HECA: variants seen among roughly 807,000 people sequenced by gnomAD.
HECA encodes the protein HECA ribonucleoprotein granule regulator, also known as headcase protein homolog.
In HECA, 13 loss-of-function variants were observed where a neutral mutation model predicts 37.6. The ratio of observed to expected loss-of-function variants is 0.35; its 90% confidence interval spans 0.23 to 0.55. The LOEUF (loss-of-function observed/expected upper bound fraction) is 0.55. Ranked by LOEUF, HECA falls within the 20% of genes least tolerant of loss-of-function variation. The probability of loss-of-function intolerance (pLI) is 0.90; values close to 1 mark genes in which losing one functional copy is unlikely to be tolerated. For synonymous variants in HECA, 307 were observed against 291.5 expected (o/e 1.05, Z -0.54); for missense variants, 527 against 701.9 (o/e 0.75, Z 2.82).
chr6:139,136,277 AAAAAAAAAAG>A (rs1774434545), intron 1 of HECA, among the ~76,000 whole-genome samples: 1 of 151,660 alleles, frequency 6.6e-6, no homozygotes, highest in African/African-American at 2.4e-5. Flanking sequence ...TAAAAAAAAA[AAAAAAAAAAG>A]AAAAGAAAGA....
Position 139,176,348 on chromosome 6 carries a change from A to C in HECA, c.1468-593A>C, listed in dbSNP as rs1347095043. On this transcript the variant is annotated intron_variant, in intron 3 of 3. Transcript: ENST00000367658. This position sits in a 1 kb window ranked among gnomAD's most constrained non-coding sequence, Gnocchi z 4.5. Reference sequence around the variant, plus strand: ...TAAGTACATTTTTAAAATGAGTCTAAATTGAGTCTGTTTTATTTATAATTT... The same window carrying C: ...TAAGTACATTTTTAAAATGAGTCTACATTGAGTCTGTTTTATTTATAATTT... Among the ~76,000 whole-genome samples, 1 of 152,178 alleles carries C rather than the reference A, an allele frequency of 6.6e-6. No individual in the cohort carries two copies. Among genetic ancestry groups the C allele is most frequent in the African/African-American group, 2.4e-5 (1 of 41,440 alleles).
chr6:139,179,966 C>T lies in HECA; in HGVS notation c.*2861C>T, dbSNP rs1020363471. On this transcript the variant is annotated 3_prime_UTR_variant, in exon 4 of 4. Transcript: ENST00000367658. ...TTATACCTTGAGCAGATACAATGAT[C>T]TGCTTTAGTGAGAGGACAATTTCTG... The T allele has an allele frequency of 6.6e-6, 1 of 152,084 alleles. No individual in the cohort carries two copies. Among genetic ancestry groups the T allele is most frequent in the Non-Finnish European group, 1.5e-5 (1 of 67,994 alleles). The allele number at this position is 152,084 out of a possible 1,614,324, so 9.4% of individuals were successfully genotyped here. A position where few individuals can be genotyped will look rare whatever the true frequency, so the allele number is the denominator to read the frequency against.
At position 139,166,675 on chromosome 6, in the gene HECA, G is replaced by A. The variant is rs200173389; in HGVS notation, c.663G>A (p.Glu221=). 1.9e-6 allele frequency: 3 copies of A among 1,613,404 alleles called. No homozygotes were observed. Among genetic ancestry groups the A allele is most frequent in the Middle Eastern group, 1.7e-4 (1 of 6,056 alleles). ...TGRPPGEAAE[E]AKKCRPPNKP... Reference sequence around the variant, plus strand: ...GGCCTCCTGGTGAGGCGGCGGAGGAGGCAAAAAAGTGCAGGCCCCCAAATA... The same window carrying A: ...GGCCTCCTGGTGAGGCGGCGGAGGAAGCAAAAAAGTGCAGGCCCCCAAATA... Residue 221 remains glutamate, a synonymous_variant, in exon 2 of 4, where the codon GAG becomes GAA. Coordinates refer to ENST00000367658, the MANE Select transcript of HECA (RefSeq NM_016217.3).
At position 139,174,443 on chromosome 6, in the gene HECA, C is replaced by T; in HGVS notation, c.1371C>T (p.Ile457=). ...ACTGCCTGGAAGGGGTTCACAAGAT[C>T]ATCTGCATCAAGTGTAAGTCACGGT... ...CVDCLEGVHK[I]ICIKCKSRWD... Residue 457 remains isoleucine, a synonymous_variant, in exon 3 of 4, where the codon ATC becomes ATT. Coordinates refer to ENST00000367658, the MANE Select transcript of HECA (RefSeq NM_016217.3). 3 of 1,613,998 alleles carry T rather than the reference C, an allele frequency of 1.9e-6. No individual in the cohort carries two copies. Among genetic ancestry groups the T allele is most frequent in the Non-Finnish European group, 1.7e-6 (2 of 1,179,992 alleles).
In HECA at chr6:139,178,386, T is replaced by A. The variant is rs911131352; in HGVS notation, c.*1281T>A. On this transcript the variant is annotated 3_prime_UTR_variant, in exon 4 of 4. Coordinates refer to ENST00000367658, the MANE Select transcript of HECA (RefSeq NM_016217.3). ...GAATATGATTTCTCAAAAATTAATT[T>A]GATAATTTCATGTATGATGTGCATA... The A allele has an allele frequency of 3.9e-5, 6 of 152,190 alleles. No individual in the cohort carries two copies. The highest frequency in any genetic ancestry group is 5.9e-5 in the Non-Finnish European group (4 of 68,038). The allele number at this position is 152,190 out of a possible 1,614,324, so 9.4% of individuals were successfully genotyped here.
chr6:139,137,631 C>CTTT (rs34487492), intron 1 of HECA, among the ~76,000 whole-genome samples: 3,922 of 123,616 alleles, frequency 0.032, 222 homozygotes, highest in African/African-American at 0.084. Context: ...CTACCAGCTC[C>CTTT]TTTTTTTTTT....
chr6:139,167,012 G>T lies in HECA; in HGVS notation c.1000G>T (p.Gly334Trp). The change falls in exon 2 of 4, where the codon GGG becomes TGG. Residue 334 changes from glycine (G) to tryptophan (W), a missense_variant. Gly to Trp is a radical substitution (Grantham distance 184). Coordinates refer to ENST00000367658, the MANE Select transcript of HECA (RefSeq NM_016217.3). Reference protein sequence around the residue: ...YSPAGLAVHRGGHFDTPVQFL... With the variant: ...YSPAGLAVHRWGHFDTPVQFL... ...CCCTGCGGGGTTGGCAGTTCACAGG[G>T]GGGGACACTTCGACACCCCCGTGCA... 4 of 1,614,234 alleles carry T rather than the reference G, an allele frequency of 2.5e-6. No individual in the cohort carries two copies. Among genetic ancestry groups the T allele is most frequent in the Non-Finnish European group, 3.4e-6 (4 of 1,180,048 alleles).
intron 1 of HECA, chr6:139,159,288 C>T (rs1287941293): frequency 1.3e-5 from 2 of 151,758 alleles, no homozygotes; most frequent in African/African-American, 4.9e-5. Flanking sequence ...AAATTCATAC[C>T]CTAAGAGGAC....
At chr6:139,171,402 A>G (rs1402502424) in intron 2 of HECA, among the ~76,000 whole-genome samples, 2 of 152,248 alleles carry the variant, frequency 1.3e-5, no homozygotes, top group Non-Finnish European at 2.9e-5. Flanking sequence ...AGATGTGCCC[A>G]CAAAGATACT....
chr6:139,156,947 C>T (rs979052512), intron 1 of HECA, among the ~76,000 whole-genome samples: 7 of 152,134 alleles, frequency 4.6e-5, no homozygotes, highest in Non-Finnish European at 1.0e-4. Flanking sequence ...TTGGATCTCG[C>T]ACAAGAAAGA....
intron 2 of HECA, among the ~76,000 whole-genome samples, chr6:139,171,790 C>T (rs541172731): frequency 1.3e-5 from 2 of 151,620 alleles, no homozygotes; most frequent in South Asian, 4.2e-4. Context: ...CCACACTCGG[C>T]TTATTTAATT....
intron 1 of HECA, among the ~76,000 whole-genome samples, chr6:139,162,363 T>C (rs1019492575): frequency 6.6e-6 from 1 of 152,210 alleles, no homozygotes; most frequent in African/African-American, 2.4e-5. Context: ...ATAGTTTTTT[T>C]CATTTCATTC....
intron 1 of HECA, among the ~76,000 whole-genome samples, chr6:139,162,085 A>C (rs1460306107): frequency 1.3e-5 from 2 of 152,170 alleles, no homozygotes; most frequent in Non-Finnish European, 2.9e-5. Flanking sequence ...AGTTTTACAA[A>C]GCCTGGGCCC....
chr6:139,163,203 C>T (rs899773430), intron 1 of HECA, among the ~76,000 whole-genome samples: 1 of 152,198 alleles, frequency 6.6e-6, no homozygotes, highest in Non-Finnish European at 1.5e-5. Context: ...GGGCTGGCCT[C>T]TACGGGATGG....
intron 1 of HECA, among the ~76,000 whole-genome samples, chr6:139,164,504 A>C (rs1243070959): frequency 6.6e-6 from 1 of 152,148 alleles, no homozygotes; most frequent in Non-Finnish European, 1.5e-5. Flanking sequence ...TCCAGATGCC[A>C]GTAGTGCCCT....
chr6:139,137,490 A>G (rs970996902), intron 1 of HECA, among the ~76,000 whole-genome samples: 2 of 152,152 alleles, frequency 1.3e-5, no homozygotes, highest in East Asian at 3.8e-4. Flanking sequence ...TTTAAAAAAG[A>G]TTACCTGCAG....
At chr6:139,147,905 C>T (rs1389227667) in intron 1 of HECA, among the ~76,000 whole-genome samples, 4 of 152,182 alleles carry the variant, frequency 2.6e-5, no homozygotes, top group African/African-American at 4.8e-5. Flanking sequence ...CTCCTACAGA[C>T]GAGGTTTGCC....
intron 1 of HECA, among the ~76,000 whole-genome samples, chr6:139,143,859 CAAAAAAA>C (rs59382752): frequency 0.71 from 96,023 of 135,612 alleles, 32,432 homozygotes; most frequent in African/African-American, 0.8. Flanking sequence ...GACTCTGTCT[CAAAAAAA>C]AAAAAAAAAA....
At chr6:139,156,776 CTG>C (rs537192541) in intron 1 of HECA, among the ~76,000 whole-genome samples, 194 of 152,348 alleles carry the variant, frequency 1.3e-3, no homozygotes, top group African/African-American at 4.3e-3. Flanking sequence ...ATGGAATAAT[CTG>C]TTCTGAATTA....
Sources: allele counts gnomAD v4.1 joint callset (sites outside exome capture counted in the v4.1 genomes callset), GRCh38; gene constraint gnomAD v4.1.1; non-coding constraint Gnocchi (gnomAD v3.1); transcripts MANE v1.5; gene names NCBI Gene and HGNC (gene_info 2026-07-23, HGNC 2026-07-21).